Variants in IRF8 observed in about 807,000 individuals in gnomAD.
IRF8 encodes interferon regulatory factor 8, also known as interferon consensus sequence binding protein 1.
In IRF8, 14 loss-of-function variants were observed where a neutral mutation model predicts 48.7. The ratio of observed to expected loss-of-function variants is 0.29; its 90% confidence interval spans 0.19 to 0.45. IRF8 has a LOEUF of 0.45. Among genes scored for constraint, IRF8 ranks in the 20% least tolerant of loss-of-function variants. The probability of loss-of-function intolerance (pLI) is 1.00; values close to 1 mark genes in which losing one functional copy is unlikely to be tolerated. For missense variants in IRF8, 493 were observed against 580.7 expected (o/e 0.85, Z 1.55); for synonymous variants, 278 against 227.3 (o/e 1.22, Z -2.01).
rs1476703450 is a variant in IRF8 at position 85,903,150 on chromosome 16, G to A, written c.135G>A (p.Lys45=). 3.7e-6 allele frequency: 6 copies of A among 1,614,202 alleles called. No homozygotes were observed. Residue 45 remains lysine (K), a synonymous_variant, in exon 2 of 9, where the codon AAG becomes AAA. Transcript: ENST00000268638. ...MFRIPWKHAG[K]QDYNQEVDAS... is the part of the protein sequence containing the mutation. ...GGATCCCTTGGAAACACGCTGGCAA[G>A]CAAGATTATAATCAGGAAGTGGATG...
intron 2 of IRF8, among the ~76,000 whole-genome samples, chr16:85,907,370 T>G (rs577088298): frequency 3.2e-4 from 49 of 152,338 alleles, no homozygotes; most frequent in Non-Finnish European, 5.4e-4. Flanking sequence ...TCCAAATCCC[T>G]GGAATACTGG....
At chr16:85,903,382 G>A (rs748665429) in intron 2 of IRF8, 193 bp downstream of exon 2, 27 of 607,536 alleles carry the variant, frequency 4.4e-5, no homozygotes, top group African/African-American at 9.3e-5. Flanking sequence ...TTTGAATTAC[G>A]GAGTCACTTT....
Position 85,903,064 on chromosome 16 carries a change from C to G in IRF8, c.49C>G (p.Gln17Glu). Residue 17 changes from glutamine (Q) to glutamate (E), a missense_variant, in exon 2 of 9, where the codon CAG (glutamine) becomes GAG (glutamate). By Grantham distance (29) the Gln-to-Glu change is conservative. This residue lies in a region of IRF8 where 54 missense variants were observed against 59.9 expected (regional missense o/e 0.90). Coordinates refer to ENST00000268638, the MANE Select transcript of IRF8 (RefSeq NM_002163.4). ...GCGGCTTCGACAGTGGCTGATCGAG[C>G]AGATTGACAGTAGCATGTATCCAGG... is the stretch of plus-strand genomic sequence containing the variant. Reference protein sequence around the residue: ...GRRLRQWLIEQIDSSMYPGLI... With the variant: ...GRRLRQWLIEEIDSSMYPGLI... 6.2e-7 allele frequency: 1 copy of G among 1,614,150 alleles called. No individual in the cohort carries two copies. The highest frequency in any genetic ancestry group is 8.5e-7 in the Non-Finnish European group (1 of 1,180,006).
chr16:85,913,804 A>G (rs1474639780), intron 5 of IRF8, among the ~76,000 whole-genome samples: 2 of 152,206 alleles, frequency 1.3e-5, no homozygotes, highest in East Asian at 1.9e-4. Context: ...GACTTGCGCC[A>G]TGGGGTCACG....
intron 6 of IRF8, among the ~76,000 whole-genome samples, chr16:85,917,297 ATTC>A (rs1467989494): frequency 6.6e-6 from 1 of 152,170 alleles, no homozygotes; most frequent in Non-Finnish European, 1.5e-5. Context: ...AGCGTATGTA[ATTC>A]TTTTGGTTTA....
At chr16:85,901,950 C>T (rs1321608242) in intron 1 of IRF8, among the ~76,000 whole-genome samples, 4 of 147,424 alleles carry the variant, frequency 2.7e-5, no homozygotes, top group African/African-American at 1.0e-4. Context: ...TTTGGGTGGG[C>T]GTCTATCCAG....
At chr16:85,912,791 C>A (rs557002527) in intron 4 of IRF8, among the ~76,000 whole-genome samples, 1 of 152,334 alleles carries the variant, frequency 6.6e-6, no homozygotes, top group East Asian at 1.9e-4. Context: ...TCACTGTTCA[C>A]TGGTGTCTCA....
intron 2 of IRF8, among the ~76,000 whole-genome samples, chr16:85,904,810 A>ATTTTTTTTTTTTTTTTTT (rs1418168585): frequency 1.5e-5 from 1 of 64,634 alleles, no homozygotes; most frequent in Non-Finnish European, 2.7e-5. Flanking sequence ...TTGATTGCAG[A>ATTTTTTTTTTTTTTTTTT]TCTTTTTTTT....
chr16:85,916,741 G>A (rs1242016553), intron 6 of IRF8, among the ~76,000 whole-genome samples: 1 of 152,238 alleles, frequency 6.6e-6, no homozygotes, highest in Non-Finnish European at 1.5e-5. Flanking sequence ...AACAAAGTTC[G>A]AAAGTTGCTT....
chr16:85,914,677 G>A (rs1402620170), intron 6 of IRF8, among the ~76,000 whole-genome samples, 157 bp downstream of exon 6: 1 of 151,750 alleles, frequency 6.6e-6, no homozygotes, highest in East Asian at 1.9e-4. Context: ...TGGAAGTCTA[G>A]GCTCCGTTCC....
Position 85,903,129 on chromosome 16 carries a change from C to A in IRF8, c.114C>A (p.Ile38=), listed in dbSNP as rs1193476444. 6.2e-6 allele frequency: 10 copies of A among 1,614,134 alleles called. No homozygotes were observed. The South Asian group carries it at 1.1e-4, about 18-fold the overall frequency. ...ATGAGGAGAAGAGCATGTTCCGGAT[C>A]CCTTGGAAACACGCTGGCAAGCAAG... is the stretch of plus-strand genomic sequence containing the variant. ...WENEEKSMFR[I]PWKHAGKQDY... The change falls in exon 2 of 9, where the codon ATC becomes ATA. Residue 38 remains isoleucine, a synonymous_variant. Coordinates refer to ENST00000268638, the MANE Select transcript of IRF8 (RefSeq NM_002163.4).
chr16:85,921,273 C>A lies in IRF8; in HGVS notation c.1272C>A (p.Ile424=), dbSNP rs766317225. The A allele has an allele frequency of 1.9e-6, 3 of 1,613,944 alleles. No homozygotes were observed. The Admixed American group carries it at 5.0e-5, about 27-fold the overall frequency. The part of the protein sequence containing the change: ...QRSFFRENQQ[I]TV ...CATTTTTCAGAGAAAACCAACAGATCACCGTCTAAGTGCGTCGCTTGGGCG... is the reference window on the plus strand; with the variant it reads ...CATTTTTCAGAGAAAACCAACAGATAACCGTCTAAGTGCGTCGCTTGGGCG... The change falls in exon 9 of 9, where the codon ATC becomes ATA. Residue 424 remains isoleucine, a synonymous_variant. Coordinates refer to ENST00000268638, the MANE Select transcript of IRF8 (RefSeq NM_002163.4).
intron 7 of IRF8, 140 bp downstream of exon 7, chr16:85,918,943 G>C: frequency 8.9e-7 from 1 of 1,123,364 alleles, no homozygotes. Flanking sequence ...TGGCAAGGAG[G>C]TGCTCCTTTG....
intron 1 of IRF8, chr16:85,902,705 A>G: frequency 4.8e-6 from 2 of 414,010 alleles, no homozygotes; most frequent in Non-Finnish European, 9.1e-6. Flanking sequence ...CTGTGGTTGT[A>G]TCTGCCTGAA....
intron 6 of IRF8, among the ~76,000 whole-genome samples, chr16:85,917,657 C>G (rs887397195): frequency 6.6e-6 from 1 of 152,148 alleles, no homozygotes; most frequent in Non-Finnish European, 1.5e-5. Context: ...AGTTCAGTGC[C>G]ATTATTCAAA....
chr16:85,907,366 T>C (rs2152100238), intron 2 of IRF8, among the ~76,000 whole-genome samples: 2 of 152,282 alleles, frequency 1.3e-5, no homozygotes, highest in East Asian at 3.9e-4. Flanking sequence ...TAAATCCAAA[T>C]CCCTGGAATA....
chr16:85,918,841 G>A, intron 7 of IRF8, 38 bp downstream of exon 7: 1 of 1,600,970 alleles, frequency 6.2e-7, no homozygotes, highest in Non-Finnish European at 8.5e-7. Context: ...CCACATCTTA[G>A]AGATCACGCC....
Position 85,918,505 on chromosome 16 carries a change from C to T in IRF8, c.690C>T (p.Ser230=). ...CCTGCCCCGAGGGCTGCCGCCTGTC[C>T]CTGAGCCAGCCTGGGCTGCCCGGCA... The part of the protein sequence containing the change: ...TTTCPEGCRL[S]LSQPGLPGTK... Residue 230 remains serine (S), a synonymous_variant, in exon 7 of 9, where the codon TCC becomes TCT. Transcript: ENST00000268638. The T allele has an allele frequency of 6.3e-7, 1 of 1,595,172 alleles. No individual in the cohort carries two copies.
chr16:85,909,242 TGGGTCTGGGGTAGACACA>T (rs1905080707), intron 3 of IRF8, 69 bp downstream of exon 3: 1 of 1,351,980 alleles, frequency 7.4e-7, no homozygotes, highest in Non-Finnish European at 1.1e-6. Context: ...CCACAGAACT[TGGGTCTGGGGTAGACACA>T]GGGTCTGGGG....
Sources: allele counts gnomAD v4.1 joint callset (sites outside exome capture counted in the v4.1 genomes callset), GRCh38; gene constraint gnomAD v4.1.1; regional missense constraint gnomAD v4.1.1; transcripts MANE v1.5; gene names NCBI Gene and HGNC (gene_info 2026-07-23, HGNC 2026-07-21).